The following PXDNL variants were observed in gnomAD, a reference collection of about 807,000 sequenced individuals.
The protein encoded by PXDNL is probable oxidoreductase PXDNL.
In PXDNL, 145 loss-of-function variants were observed where a neutral mutation model predicts 150.8. The ratio of observed to expected loss-of-function variants is 0.96; its 90% CI spans 0.84 to 1.10. The LOEUF is 1.10. Ranked by LOEUF, PXDNL falls within the 50% of genes least tolerant of loss-of-function variation. The probability of loss-of-function intolerance (pLI) is 0.00; values close to 1 mark genes in which losing one functional copy is unlikely to be tolerated. For missense variants in PXDNL, 2,087 were observed against 1,873.9 expected, an observed-to-expected ratio of 1.11 and a Z score of -2.10; for synonymous variants, 757 against 725.7, an observed-to-expected ratio of 1.04 and a Z score of -0.69.
At chr8:51,386,850 T>A (rs1412131012) in intron 17 of PXDNL, among the ~76,000 whole-genome samples, 3 of 152,098 alleles carry the variant, frequency 2.0e-5, no homozygotes, top group Non-Finnish European at 4.4e-5. Context: ...AAGAGTCTTT[T>A]CTACATGTCA....
chr8:51,524,661 C>A (rs35377291), intron 4 of PXDNL, among the ~76,000 whole-genome samples: 75,713 of 151,498 alleles, frequency 0.5, 22,024 homozygotes, highest in Non-Finnish European at 0.64. Context: ...AAAATAAGTA[C>A]TTCTCAATTA....
intron 12 of PXDNL, among the ~76,000 whole-genome samples, chr8:51,438,672 G>T (rs1410969081): frequency 1.3e-5 from 2 of 152,092 alleles, no homozygotes; most frequent in Non-Finnish European, 2.9e-5. Flanking sequence ...CCGAGATTGT[G>T]CCACTGCACT....
intron 1 of PXDNL, among the ~76,000 whole-genome samples, chr8:51,772,278 C>T (rs983030684): frequency 3.3e-5 from 5 of 151,386 alleles, no homozygotes; most frequent in East Asian, 2.0e-4. Context: ...ACAGCTGCTC[C>T]GATGGGTCAC....
chr8:51,513,916 G>C (rs1304434319), intron 4 of PXDNL, among the ~76,000 whole-genome samples: 2 of 152,218 alleles, frequency 1.3e-5, no homozygotes, highest in Non-Finnish European at 2.9e-5. Context: ...ATACCTCAGA[G>C]AGAACTAGAC....
At chr8:51,637,844 C>T (rs901602940) in intron 2 of PXDNL, among the ~76,000 whole-genome samples, 1 of 152,132 alleles carries the variant, frequency 6.6e-6, no homozygotes, top group Non-Finnish European at 1.5e-5. Context: ...TCAGGAAATA[C>T]AGAGAACGCC....
chr8:51,525,412 G>A (rs116046975), intron 4 of PXDNL, among the ~76,000 whole-genome samples: 3,615 of 152,238 alleles, frequency 0.024, 150 homozygotes, highest in African/African-American at 0.082. Flanking sequence ...TAATTACCAC[G>A]TGTAACATTT....
intron 6 of PXDNL, among the ~76,000 whole-genome samples, 163 bp from the exon 7 acceptor site, chr8:51,475,304 T>A (rs1268128083): frequency 6.6e-6 from 1 of 152,228 alleles, no homozygotes; most frequent in Non-Finnish European, 1.5e-5. Context: ...ATCACTTAAC[T>A]CATTGCATAT....
chr8:51,454,647 A>C (rs1809886633), intron 9 of PXDNL, among the ~76,000 whole-genome samples: 1 of 152,182 alleles, frequency 6.6e-6, no homozygotes, highest in South Asian at 2.1e-4. Context: ...AAGTTTGGGG[A>C]AGGGGGATCA....
chr8:51,744,176 G>A (rs983885046), intron 1 of PXDNL, among the ~76,000 whole-genome samples: 9 of 146,704 alleles, frequency 6.1e-5, no homozygotes, highest in South Asian at 2.2e-4. Flanking sequence ...AAGAAGGAAG[G>A]AAGGTGAGAA....
At chr8:51,423,268 A>G (rs899820600) in intron 14 of PXDNL, among the ~76,000 whole-genome samples, 3 of 152,148 alleles carry the variant, frequency 2.0e-5, no homozygotes, top group Non-Finnish European at 4.4e-5. Flanking sequence ...CCGGCTCCAC[A>G]TTTTGGCTAT....
chr8:51,584,681 T>C (rs1049256574), intron 3 of PXDNL, among the ~76,000 whole-genome samples: 6 of 152,156 alleles, frequency 3.9e-5, no homozygotes, highest in East Asian at 1.9e-4. Flanking sequence ...AAATGCCACA[T>C]ACCAGGAACT....
intron 12 of PXDNL, among the ~76,000 whole-genome samples, chr8:51,429,509 A>T (rs1045927934): frequency 1.3e-5 from 2 of 151,992 alleles, no homozygotes; most frequent in African/African-American, 4.8e-5. Context: ...TGAACTGGGG[A>T]GGTGGAGGTT....
At chr8:51,569,742 A>T (rs985323303) in intron 3 of PXDNL, among the ~76,000 whole-genome samples, 1 of 151,926 alleles carries the variant, frequency 6.6e-6, no homozygotes, top group Non-Finnish European at 1.5e-5. Context: ...CTATATAAGA[A>T]AAAACTGTAA....
chr8:51,729,131 C>A (rs899199560), intron 1 of PXDNL, among the ~76,000 whole-genome samples: 7 of 152,162 alleles, frequency 4.6e-5, no homozygotes, highest in African/African-American at 1.7e-4. Context: ...ATGCATTTCT[C>A]AGGACCTACC....
intron 1 of PXDNL, among the ~76,000 whole-genome samples, chr8:51,755,298 G>GTT (rs67163635): frequency 7.1e-6 from 1 of 141,606 alleles, no homozygotes; most frequent in African/African-American, 2.6e-5. Flanking sequence ...AGAATGTTTT[G>GTT]TTTTTTTTTT....
At chr8:51,802,588 T>A (rs934853823) in intron 1 of PXDNL, among the ~76,000 whole-genome samples, 1 of 152,208 alleles carries the variant, frequency 6.6e-6, no homozygotes. Flanking sequence ...ACATCGCTGG[T>A]CTAGAGTTTG....
rs2037353605 is a variant in PXDNL, at chr8:51,776,343, A to G, written c.164+32838T>C. 2.0e-5 allele frequency among the ~76,000 whole-genome samples: 3 copies of G among 152,004 alleles called. No individual in the cohort carries two copies. In the South Asian group the frequency reaches 6.2e-4, roughly 32 times the overall value. On this transcript the variant is annotated intron_variant, in intron 1 of 22. Coordinates refer to ENST00000356297, the MANE Select transcript of PXDNL (RefSeq NM_144651.5). ...CTCCCCTTTTGAAAATCACTAATAA[A>G]AACTTGCTGGTTTTGCGGGTTGGGG...
chr8:51,559,382 G>A (rs1812672525), intron 3 of PXDNL, among the ~76,000 whole-genome samples: 1 of 134,370 alleles, frequency 7.4e-6, no homozygotes, highest in Non-Finnish European at 1.6e-5. Flanking sequence ...GAAGTTTATA[G>A]GGACAGTTTC....
At chr8:51,445,965 C>G (rs35549900) in intron 12 of PXDNL, among the ~76,000 whole-genome samples, 1 of 151,374 alleles carries the variant, frequency 6.6e-6, no homozygotes, top group Non-Finnish European at 1.5e-5. Flanking sequence ...TTTTTCCCCC[C>G]CGTAGAACCT....
Sources: allele counts gnomAD v4.1 joint callset (sites outside exome capture counted in the v4.1 genomes callset), GRCh38; gene constraint gnomAD v4.1.1; transcripts MANE v1.5; gene names NCBI Gene and HGNC (gene_info 2026-07-23, HGNC 2026-07-21).